EIF2A: variants seen among roughly 807,000 people sequenced by gnomAD.
EIF2A encodes the protein 65 kDa eukaryotic translation initiation factor 2A.
A neutral mutation model predicts 75.2 loss-of-function variants in EIF2A; 62 were observed. That is an observed-to-expected ratio of 0.82 (90% CI 0.67 to 1.02). EIF2A has a LOEUF of 1.02. EIF2A is among the 50% of genes least tolerant of loss of function. EIF2A has a pLI of 0.00. For synonymous variants in EIF2A, 207 were observed against 239.0 expected, an observed-to-expected ratio of 0.87 and a Z score of 1.23; for missense variants, 611 against 677.7, an observed-to-expected ratio of 0.90 and a Z score of 1.09.
At chr3:150,553,004 T>C (rs1723390661) in intron 2 of EIF2A, 2 of 152,282 alleles carry the variant, frequency 1.3e-5, no homozygotes, top group African/African-American at 4.8e-5. Context: ...TTGGACCATA[T>C]AATTGTTTTA....
chr3:150,557,586 G>C (rs982666198), intron 2 of EIF2A: 1 of 277,688 alleles, frequency 3.6e-6, no homozygotes, highest in Admixed American at 5.2e-5. Flanking sequence ...TTTTATTAGA[G>C]ACAGGGTTTC....
chr3:150,562,705 C>T (rs771012666), intron 4 of EIF2A, 45 bp downstream of exon 4: 22 of 1,431,528 alleles, frequency 1.5e-5, no homozygotes, highest in South Asian at 3.6e-5. Flanking sequence ...CGATCAATTA[C>T]GTTTAGTGGG....
rs1265801339 is a variant in EIF2A, at chr3:150,563,592, A to G, written c.370A>G (p.Ile124Val). 2 of 1,533,306 alleles carry G rather than the reference A, an allele frequency of 1.3e-6. No homozygotes were observed. The highest frequency in any genetic ancestry group is 2.2e-5 in the Admixed American group (1 of 45,694). 95.0% of individuals were successfully genotyped at this position (1,533,306 alleles called of 1,614,324 possible). A position where few individuals can be genotyped will look rare whatever the true frequency, so the allele number is the denominator to read the frequency against. The change falls in exon 5 of 14, where the codon ATC (isoleucine) becomes GTC (valine). Residue 124 changes from isoleucine (I) to valine (V), a missense_variant. Coordinates refer to ENST00000460851, the MANE Select transcript of EIF2A (RefSeq NM_032025.5). ...AACTGGGACATGTTTGAAATCTTTC[A>G]TCCAGAAAAAAATGCAAAATTGGTA... ...VKTGTCLKSF[I>V]QKKMQNWCPS...
Position 150,572,039 on chromosome 3 carries a change from A to C in EIF2A, c.893A>C (p.Lys298Thr), listed in dbSNP as rs768789125. The C allele has an allele frequency of 6.2e-7, 1 of 1,613,988 alleles. No homozygotes were observed. The highest frequency in any genetic ancestry group is 8.5e-7 in the Non-Finnish European group (1 of 1,179,898). The change falls in exon 10 of 14, where the codon AAA becomes ACA. Residue 298 changes from lysine to threonine, a missense_variant. Coordinates refer to ENST00000460851, the MANE Select transcript of EIF2A (RefSeq NM_032025.5). Reference sequence around the variant, plus strand: ...GCTGTATATGGTTTTATGCCTGCCAAAGCGACAATTTTCAACTTGAAATGT... The same window carrying C: ...GCTGTATATGGTTTTATGCCTGCCACAGCGACAATTTTCAACTTGAAATGT... The part of the protein sequence containing the change: ...FCAVYGFMPA[K>T]ATIFNLKCDP...
chr3:150,581,797 A>G (rs1247838953), intron 12 of EIF2A, 51 bp downstream of exon 12: 9 of 1,547,096 alleles, frequency 5.8e-6, no homozygotes, highest in African/African-American at 1.4e-5. Context: ...CATGAAAATT[A>G]TATAAGTAAG....
At chr3:150,552,564 AAAG>A in intron 2 of EIF2A, 139 bp downstream of exon 2, 1 of 654,020 alleles carries the variant, frequency 1.5e-6, no homozygotes, top group Non-Finnish European at 2.5e-6. Context: ...CCGAAGATGA[AAAG>A]AATACATATT....
In EIF2A at chr3:150,571,484, A is replaced by G. The variant is rs1576600776; in HGVS notation, c.812-474A>G. On this transcript the variant is annotated intron_variant, in intron 9 of 13. Coordinates refer to ENST00000460851, the MANE Select transcript of EIF2A (RefSeq NM_032025.5). ...ATATAGGGCCCAGTGGCTCATGCCT[A>G]TAATCCTAGCACTTTGGAATGCCAA... 5.3e-5 allele frequency among the ~76,000 whole-genome samples: 8 copies of G among 152,258 alleles called. No homozygotes were observed. In the South Asian group the frequency reaches 1.7e-3, roughly 32 times the overall value.
intron 9 of EIF2A, among the ~76,000 whole-genome samples, chr3:150,571,106 T>G (rs1281560568): frequency 2.0e-5 from 3 of 151,800 alleles, no homozygotes. Flanking sequence ...CCAAGAAATA[T>G]AACAGAGGGT....
chr3:150,564,914 T>C (rs1287559681), intron 6 of EIF2A: 1 of 178,276 alleles, frequency 5.6e-6, no homozygotes, highest in Non-Finnish European at 1.2e-5. Context: ...TATCACAAAT[T>C]ATTAAATATG....
chr3:150,562,419 C>CAAAAAA (rs5853482), intron 3 of EIF2A, 123 bp from the exon 4 acceptor site: 1 of 527,250 alleles, frequency 1.9e-6, no homozygotes, highest in Non-Finnish European at 3.0e-6. Context: ...GACTCCATCT[C>CAAAAAA]AAAAAAAAAA....
At chr3:150,563,135 CTG>C (rs779312946) in intron 4 of EIF2A, among the ~76,000 whole-genome samples, 2 of 152,044 alleles carry the variant, frequency 1.3e-5, no homozygotes, top group African/African-American at 2.4e-5. Context: ...TTTCATATAA[CTG>C]TGTTTCATGT....
chr3:150,553,285 T>C (rs1342980344), intron 2 of EIF2A, among the ~76,000 whole-genome samples: 1 of 145,926 alleles, frequency 6.9e-6, no homozygotes, highest in African/African-American at 2.6e-5. Context: ...ATCAGGGCAT[T>C]GCACTCCAGC....
intron 10 of EIF2A, 77 bp from the exon 11 acceptor site, chr3:150,575,572 A>G (rs2107960488): frequency 9.4e-7 from 1 of 1,066,266 alleles, no homozygotes; most frequent in East Asian, 2.7e-5. Flanking sequence ...ATCCTATATT[A>G]GCAGAAGTGT....
chr3:150,562,644 G>A lies in EIF2A; in HGVS notation c.276G>A (p.Thr92=), dbSNP rs932775520. The change falls in exon 4 of 14, where the codon ACG becomes ACA. Residue 92 remains threonine (T), a synonymous_variant. Coordinates refer to ENST00000460851, the MANE Select transcript of EIF2A (RefSeq NM_032025.5). ...EFSPKNTVLA[T]WQPYTTSKDG... is the part of the protein sequence containing the mutation. Reference sequence around the variant, plus strand: ...CACCCAAAAATACTGTCCTGGCAACGTGGCAGCCTTACACTAGTAAGTATT... The same window carrying A: ...CACCCAAAAATACTGTCCTGGCAACATGGCAGCCTTACACTAGTAAGTATT... 3.0e-5 allele frequency: 49 copies of A among 1,612,618 alleles called. No homozygotes were observed. The highest frequency in any genetic ancestry group is 1.2e-4 in the African/African-American group (9 of 74,870).
At chr3:150,570,501 G>A (rs1484782150) in intron 9 of EIF2A, among the ~76,000 whole-genome samples, 1 of 150,856 alleles carries the variant, frequency 6.6e-6, no homozygotes, top group Non-Finnish European at 1.5e-5. Flanking sequence ...AGAAATTTGA[G>A]GCTGCAGCAA....
At chr3:150,548,700 G>A (rs1009596114) in intron 1 of EIF2A, among the ~76,000 whole-genome samples, 4 of 152,136 alleles carry the variant, frequency 2.6e-5, no homozygotes, top group African/African-American at 9.7e-5. Context: ...AATTAATGAA[G>A]GATAGCCACT....
chr3:150,556,913 T>C (rs1335201913), intron 2 of EIF2A, among the ~76,000 whole-genome samples: 1 of 152,196 alleles, frequency 6.6e-6, no homozygotes, highest in Non-Finnish European at 1.5e-5. Flanking sequence ...TGGGTAGAAT[T>C]TCCAGACAGA....
intron 1 of EIF2A, among the ~76,000 whole-genome samples, chr3:150,547,537 G>T (rs1004058908): frequency 6.6e-6 from 1 of 152,122 alleles, no homozygotes; most frequent in Non-Finnish European, 1.5e-5. Context: ...CTAGGGTGTG[G>T]CTAAGAGTCT....
intron 1 of EIF2A, among the ~76,000 whole-genome samples, chr3:150,547,719 C>T (rs1244599876): frequency 2.6e-4 from 39 of 152,154 alleles, no homozygotes; most frequent in Admixed American, 2.5e-3. Context: ...AACATTTTTG[C>T]ACTTTTTGCC....
Sources: allele counts gnomAD v4.1 joint callset (sites outside exome capture counted in the v4.1 genomes callset), GRCh38; gene constraint gnomAD v4.1.1; transcripts MANE v1.5; gene names NCBI Gene and HGNC (gene_info 2026-07-23, HGNC 2026-07-21).